KRT83: variants seen among roughly 807,000 people sequenced by gnomAD.
The protein encoded by KRT83 is keratin, type II cuticular Hb3.
Under a neutral mutation model 52.9 loss-of-function variants are expected in KRT83, and 51 were observed. The observed-to-expected ratio is 0.96, with a 90% CI of 0.77 to 1.22. The LOEUF is 1.22. Among genes scored for constraint, KRT83 ranks in the 50% most tolerant of loss-of-function variants. The pLI, the probability that KRT83 is intolerant of heterozygous loss-of-function variation, is 0.00. For missense variants in KRT83, 654 were observed against 666.5 expected, an observed-to-expected ratio of 0.98 and a Z score of 0.21; for synonymous variants, 278 against 274.1, an observed-to-expected ratio of 1.01 and a Z score of -0.14.
rs1262201201 is a variant in KRT83 at position 52,314,518 on chromosome 12, A to G, written c.*113T>C. ...GCTGGTGGGAATGAGCCGATGGTGT[A>G]TTCTCAGAACACAAGGGGAAAAGCC... On this transcript the variant is annotated 3_prime_UTR_variant, in exon 9 of 9. Transcript: ENST00000293670. The G allele has an allele frequency of 7.1e-6, 7 of 986,054 alleles. No individual in the cohort carries two copies. Among genetic ancestry groups the G allele is most frequent in the Non-Finnish European group, 9.5e-6 (6 of 634,292 alleles). 61.1% of individuals were successfully genotyped at this position (986,054 alleles called of 1,614,324 possible).
intron 2 of KRT83, 81 bp downstream of exon 2, chr12:52,319,075 G>C: frequency 6.3e-7 from 1 of 1,598,514 alleles, no homozygotes; most frequent in African/African-American, 1.3e-5. Flanking sequence ...GATGCCAGCT[G>C]CAGACTGGAT....
Position 52,315,301 on chromosome 12 carries a change from A to G in KRT83, c.1294+11T>C. On this transcript the variant is annotated intron_variant, in intron 8 of 8. Transcript: ENST00000293670. ...GTCTACATTTTCCTTTTCAGGGCTC[A>G]AGATACTTACAGACATTCACAGCTT... is the stretch of plus-strand genomic sequence containing the variant. 1 of 1,613,512 alleles carries G rather than the reference A, an allele frequency of 6.2e-7. No homozygotes were observed. Among genetic ancestry groups the G allele is most frequent in the Non-Finnish European group, 8.5e-7 (1 of 1,179,530 alleles).
Position 52,317,687 on chromosome 12 carries a change from G to C in KRT83, c.744C>G (p.Tyr248Ter). Residue 248 changes from tyrosine to a stop codon, truncating the protein, a stop_gained, in exon 4 of 9, where the codon TAC becomes TAG. Transcript: ENST00000293670. LOFTEE classifies it high-confidence loss of function. ...IQEIDFLRRL[Y>*]EEEIRILQSH... ...ATGGTTGAGAGCCCCTCACCTCCTC[G>C]TACAGCCGCCTCAGGAAGTCAATCT... 6.2e-7 allele frequency: 1 copy of C among 1,612,278 alleles called. No individual in the cohort carries two copies. Among genetic ancestry groups the C allele is most frequent in the Non-Finnish European group, 8.5e-7 (1 of 1,179,914 alleles).
rs1262273685 is a variant in KRT83, at chr12:52,321,352, T to C, written c.-17A>G. The C allele has an allele frequency of 9.9e-6, 16 of 1,613,426 alleles. No individual in the cohort carries two copies. The highest frequency in any genetic ancestry group is 1.3e-5 in the Non-Finnish European group (15 of 1,179,946). ...ACAGGTCATGACGGAGGTTAGGAGG[T>C]GTCTGAACAGTGGAGTAGATGGCAG... On this transcript the variant is annotated 5_prime_UTR_variant, in exon 1 of 9. Transcript: ENST00000293670.
At chr12:52,320,874 A>G in intron 1 of KRT83, 78 bp downstream of exon 1, 17 of 1,612,784 alleles carry the variant, frequency 1.1e-5, no homozygotes, top group Non-Finnish European at 1.4e-5. Context: ...CTTGCCTTTG[A>G]CTTCCCTGTC....
At position 52,316,547 on chromosome 12, in the gene KRT83, C is replaced by T. The variant is rs201828918; in HGVS notation, c.962G>A (p.Arg321His). The T allele has an allele frequency of 3.6e-5, 58 of 1,614,032 alleles. No homozygotes were observed. Among genetic ancestry groups the T allele is most frequent in the Middle Eastern group, 1.6e-4 (1 of 6,084 alleles). ...ATVIRHGETLRRTKEEINELN... is the reference protein window; with the variant it reads ...ATVIRHGETLHRTKEEINELN... ...CTCGTTGATCTCCTCCTTGGTGCGG[C>T]GCAGGGTCTCCCCGTGCCTGATCAC... is the stretch of plus-strand genomic sequence containing the variant. Residue 321 changes from arginine to histidine, a missense_variant, in exon 6 of 9, where the codon CGC (arginine) becomes CAC (histidine). Arg to His is a conservative substitution (Grantham distance 29, BLOSUM62 0). Transcript: ENST00000293670.
rs775593031 is a variant in KRT83 at position 52,319,263 on chromosome 12, G to C, written c.486C>G (p.Gly162=). The C allele has an allele frequency of 1.9e-6, 3 of 1,614,012 alleles. No homozygotes were observed. Among genetic ancestry groups the C allele is most frequent in the Non-Finnish European group, 2.5e-6 (3 of 1,179,950 alleles). The change falls in exon 2 of 9, where the codon GGC becomes GGG. Residue 162 remains glycine, a synonymous_variant. Transcript: ENST00000293670. Reference sequence around the variant, plus strand: ...CCTCCCGCCGCAGAGTCTCGATGTAGCCAGCAAACAGGGGCTCCAGGTTAC... The same window carrying C: ...CCTCCCGCCGCAGAGTCTCGATGTACCCAGCAAACAGGGGCTCCAGGTTAC... ...CQSNLEPLFA[G]YIETLRREAE...
intron 4 of KRT83, 42 bp downstream of exon 4, chr12:52,317,639 C>T (rs202232721): frequency 4.7e-5 from 76 of 1,600,198 alleles, no homozygotes; most frequent in Admixed American, 4.7e-4. Flanking sequence ...GTCAGGGATC[C>T]CATGGGGGGA....
At chr12:52,317,564 C>T (rs764410351) in intron 4 of KRT83, 117 bp downstream of exon 4, 54 of 1,214,102 alleles carry the variant, frequency 4.4e-5, no homozygotes, top group Non-Finnish European at 5.7e-5. Context: ...GCCAACCCTC[C>T]AGCCGTGAGC....
Position 52,319,278 on chromosome 12 carries a change from C to T in KRT83, c.471G>A (p.Glu157=). The change falls in exon 2 of 9, where the codon GAG becomes GAA. Residue 157 remains glutamate, a synonymous_variant. Transcript: ENST00000293670. The part of the protein sequence containing the change: ...QNRECCQSNL[E]PLFAGYIETL... ...TCTCGATGTAGCCAGCAAACAGGGG[C>T]TCCAGGTTACTCTGGCAGCACTCGC... The T allele has an allele frequency of 6.2e-7, 1 of 1,614,074 alleles. No individual in the cohort carries two copies. The highest frequency in any genetic ancestry group is 2.2e-5 in the East Asian group (1 of 44,888).
rs1183691609 is a variant in KRT83 at position 52,321,238 on chromosome 12, G to A, written c.98C>T (p.Thr33Ile). 8 of 1,613,616 alleles carry A rather than the reference G, an allele frequency of 5.0e-6. No individual in the cohort carries two copies. The highest frequency in any genetic ancestry group is 6.8e-6 in the Non-Finnish European group (8 of 1,179,942). The part of the protein sequence containing the change: ...CGPRPSRCCI[T>I]AAPYRGISCY... ...GGAGATGCCGCGGTAGGGGGCGGCG[G>A]TGATGCAGCAGCGGCTTGGCCGGGG... Residue 33 changes from threonine (T) to isoleucine (I), a missense_variant, in exon 1 of 9, where the codon ACC becomes ATC. Coordinates refer to ENST00000293670, the MANE Select transcript of KRT83 (RefSeq NM_002282.3).
Position 52,319,066 on chromosome 12 carries a change from A to T in KRT83, c.593+90T>A. 4 of 1,588,052 alleles carry T rather than the reference A, an allele frequency of 2.5e-6. No individual in the cohort carries two copies. In the South Asian group the frequency reaches 3.3e-5, roughly 13 times the overall value. ...GGTTCTTCTCCACTCTCAGGCAGAG[A>T]TGCCAGCTGCAGACTGGATACTCCT... is the stretch of plus-strand genomic sequence containing the variant. On this transcript the variant is annotated intron_variant, in intron 2 of 8. Coordinates refer to ENST00000293670, the MANE Select transcript of KRT83 (RefSeq NM_002282.3).
chr12:52,316,584 T>C lies in KRT83; in HGVS notation c.925A>G (p.Met309Val), dbSNP rs996735954. ...CCGTGCCTGATCACTGTGGCCTTCA[T>C]CTCCTCACACTGCAGGAAGCAGAGA... ...ESWYRSKCEE[M>V]KATVIRHGET... Residue 309 changes from methionine (M) to valine (V), a missense_variant, in exon 6 of 9, where the codon ATG (methionine) becomes GTG (valine). Transcript: ENST00000293670. The C allele has an allele frequency of 1.1e-5, 18 of 1,613,960 alleles. No homozygotes were observed. Among genetic ancestry groups the C allele is most frequent in the Non-Finnish European group, 1.5e-5 (18 of 1,180,030 alleles).
At position 52,314,437 on chromosome 12, in the gene KRT83, G is replaced by A; in HGVS notation, c.*194C>T. On this transcript the variant is annotated 3_prime_UTR_variant, in exon 9 of 9. Transcript: ENST00000293670. Reference sequence around the variant, plus strand: ...GAAGGCTGAGACAGGGGAAGGAATGGGTCTATTCCCCAGCCACAGGCCCCT... The same window carrying A: ...GAAGGCTGAGACAGGGGAAGGAATGAGTCTATTCCCCAGCCACAGGCCCCT... 1 of 650,076 alleles carries A rather than the reference G, an allele frequency of 1.5e-6. No homozygotes were observed. The highest frequency in any genetic ancestry group is 2.8e-6 in the Non-Finnish European group (1 of 359,332). 40.3% of individuals were successfully genotyped at this position (650,076 alleles called of 1,614,324 possible).
rs1270432152 is a variant in KRT83 at position 52,314,492 on chromosome 12, C to T, written c.*139G>A. On this transcript the variant is annotated 3_prime_UTR_variant, in exon 9 of 9. Coordinates refer to ENST00000293670, the MANE Select transcript of KRT83 (RefSeq NM_002282.3). Reference sequence around the variant, plus strand: ...AGTGGGATGAAAGGTGGGGAGGAGCCGCTGGTGGGAATGAGCCGATGGTGT... The same window carrying T: ...AGTGGGATGAAAGGTGGGGAGGAGCTGCTGGTGGGAATGAGCCGATGGTGT... 2 of 807,658 alleles carry T rather than the reference C, an allele frequency of 2.5e-6. No individual in the cohort carries two copies. Among genetic ancestry groups the T allele is most frequent in the Admixed American group, 4.0e-5 (2 of 49,628 alleles). The allele number at this position is 807,658 out of a possible 1,614,324, so 50.0% of individuals were successfully genotyped here. A position where few individuals can be genotyped will look rare whatever the true frequency, so the allele number is the denominator to read the frequency against.
intron 4 of KRT83, among the ~76,000 whole-genome samples, chr12:52,317,322 A>T (rs932322271): frequency 7.2e-5 from 11 of 152,130 alleles, no homozygotes; most frequent in African/African-American, 2.4e-5. Flanking sequence ...GACCAACCCC[A>T]TGTAGGAAGG....
chr12:52,321,159 G>A lies in KRT83; in HGVS notation c.177C>T (p.Phe59=), dbSNP rs746502340. 4.3e-6 allele frequency: 7 copies of A among 1,612,360 alleles called. No homozygotes were observed. In the African/African-American group the frequency reaches 6.7e-5, roughly 15 times the overall value. ...GFGSHSVCGG[F]RAGSCGRSFG... ...AGCTGCGTCCGCAGGAGCCGGCGCGGAAGCCCCCGCACACGCTGTGGCTGC... is the reference window on the plus strand; with the variant it reads ...AGCTGCGTCCGCAGGAGCCGGCGCGAAAGCCCCCGCACACGCTGTGGCTGC... Residue 59 remains phenylalanine, a synonymous_variant, in exon 1 of 9, where the codon TTC becomes TTT. Transcript: ENST00000293670.
At position 52,315,944 on chromosome 12, in the gene KRT83, A is replaced by G; in HGVS notation, c.1211T>C (p.Leu404Pro). ...CCTGTAGGTGGCGATCTCGATATCC[A>G]GGCCTAGCTTGGAGTTCATCACCTC... ...YQEVMNSKLG[L>P]DIEIATYRRL... The change falls in exon 7 of 9, where the codon CTG becomes CCG. Residue 404 changes from leucine to proline, a missense_variant. Transcript: ENST00000293670. The G allele has an allele frequency of 6.2e-7, 1 of 1,612,860 alleles. No homozygotes were observed. The highest frequency in any genetic ancestry group is 1.1e-5 in the South Asian group (1 of 91,022).
rs1413953093 is a variant in KRT83 at position 52,316,130 on chromosome 12, A to G, written c.1042-17T>C. On this transcript the variant is annotated splice_polypyrimidine_tract_variant and intron_variant, in intron 6 of 8. Transcript: ENST00000293670. ...CTTGGAGTTCTGGGAGGTAGGGGGA[A>G]TATGGAGAGGATAAAGTGAAGTTTA... 6.2e-7 allele frequency: 1 copy of G among 1,613,434 alleles called. No homozygotes were observed. The highest frequency in any genetic ancestry group is 2.2e-5 in the East Asian group (1 of 44,874).
Sources: allele counts gnomAD v4.1 joint callset (sites outside exome capture counted in the v4.1 genomes callset), GRCh38; gene constraint gnomAD v4.1.1; transcripts MANE v1.5; gene names NCBI Gene and HGNC (gene_info 2026-07-23, HGNC 2026-07-21).